IFT46: variants seen among roughly 807,000 people sequenced by gnomAD.
IFT46 encodes intraflagellar transport 46.
IFT46 carries 19 observed loss-of-function variants against 39.6 expected under a neutral mutation model. The observed-to-expected ratio is 0.48, with a 90% confidence interval of 0.33 to 0.70. The LOEUF is 0.70. IFT46 is among the 30% of genes least tolerant of loss of function. The probability of loss-of-function intolerance (pLI) is 0.01; values close to 1 mark genes in which losing one functional copy is unlikely to be tolerated. For synonymous variants in IFT46, 117 were observed against 134.8 expected (o/e 0.87, Z 0.91); for missense variants, 334 against 364.8 (o/e 0.92, Z 0.69).
chr11:118,547,020 TC>T (rs1951703415), intron 9 of IFT46: 1 of 152,246 alleles, frequency 6.6e-6, no homozygotes. Context: ...CACTGATATT[TC>T]TTCATATTAG....
upstream of IFT46, chr11:118,573,831 G>T: frequency 2.1e-6 from 1 of 476,498 alleles, no homozygotes. Context: ...TTTTTGTGTT[G>T]GACACAAAAT....
At chr11:118,573,847 G>T, upstream of IFT46, 1 of 510,828 alleles carries the variant, frequency 2.0e-6, no homozygotes, top group Non-Finnish European at 3.5e-6. Flanking sequence ...AAAATTTCCA[G>T]AAACTTGTAT....
At chr11:118,545,605 G>C (rs375796985) in intron 10 of IFT46, 111 bp from the exon 11 acceptor site, 2 of 1,105,894 alleles carry the variant, frequency 1.8e-6, no homozygotes, top group South Asian at 2.7e-5. Context: ...CTATGACTTT[G>C]GGGGTTAAAT....
At chr11:118,554,394 G>A in intron 7 of IFT46, 65 bp downstream of exon 7, 1 of 1,472,826 alleles carries the variant, frequency 6.8e-7, no homozygotes, top group Non-Finnish European at 9.1e-7. Context: ...CTGTATGAGT[G>A]CCAGCAAGGC....
upstream of IFT46, among the ~76,000 whole-genome samples, chr11:118,576,877 T>C (rs1938527825): frequency 1.3e-5 from 2 of 152,320 alleles, no homozygotes; most frequent in South Asian, 4.1e-4. Context: ...TTTCTTCATC[T>C]TGACGTACTG....
upstream of IFT46, among the ~76,000 whole-genome samples, chr11:118,576,426 TAAAAA>T (rs10671866): frequency 3.4e-3 from 366 of 108,770 alleles, 2 homozygotes; most frequent in Middle Eastern, 0.015. Flanking sequence ...CCAAAAATGT[TAAAAA>T]AAAAAAAAAA....
chr11:118,545,977 C>A, intron 9 of IFT46, 124 bp from the exon 10 acceptor site: 1 of 809,742 alleles, frequency 1.2e-6, no homozygotes. Context: ...AATGTGTTCC[C>A]CTAAAATTCA....
chr11:118,550,245 T>C (rs1951781109), intron 9 of IFT46, among the ~76,000 whole-genome samples: 1 of 152,184 alleles, frequency 6.6e-6, no homozygotes, highest in Admixed American at 6.5e-5. Context: ...CCTAAGCCAC[T>C]GCACCCGGCC....
upstream of IFT46, among the ~76,000 whole-genome samples, chr11:118,570,400 G>C (rs1555072175): frequency 6.6e-6 from 1 of 152,122 alleles, no homozygotes; most frequent in Non-Finnish European, 1.5e-5. Flanking sequence ...CCACTTACTA[G>C]TTGTGTGAGT....
At chr11:118,567,769 T>A (rs1438983395), upstream of IFT46, among the ~76,000 whole-genome samples, 1 of 152,230 alleles carries the variant, frequency 6.6e-6, no homozygotes, top group Non-Finnish European at 1.5e-5. Flanking sequence ...AGTGGATATG[T>A]AATGTGCAGT....
chr11:118,556,067 G>A (rs1937820591), intron 4 of IFT46, among the ~76,000 whole-genome samples: 1 of 152,140 alleles, frequency 6.6e-6, no homozygotes, highest in African/African-American at 2.4e-5. Context: ...CTGTTGACCA[G>A]GTTGGAGTGC....
upstream of IFT46, among the ~76,000 whole-genome samples, chr11:118,575,974 G>GTTTTTTT (rs150069695): frequency 7.0e-6 from 1 of 143,280 alleles, no homozygotes. Flanking sequence ...CACTGTAGTT[G>GTTTTTTT]TTTTTTTTTT....
chr11:118,573,882 T>C, upstream of IFT46: 1 of 484,160 alleles, frequency 2.1e-6, no homozygotes, highest in Non-Finnish European at 3.7e-6. Context: ...GGAGGTTCTG[T>C]ATTTGGTTAG....
chr11:118,552,525 G>A (rs1026318689), intron 7 of IFT46, among the ~76,000 whole-genome samples, 190 bp from the exon 8 acceptor site: 13 of 152,182 alleles, frequency 8.5e-5, no homozygotes, highest in Non-Finnish European at 1.6e-4. Flanking sequence ...CAGGCATGGC[G>A]GTCACACTTG....
intron 2 of IFT46, among the ~76,000 whole-genome samples, chr11:118,564,563 A>C (rs1378166803): frequency 6.6e-6 from 1 of 152,144 alleles, no homozygotes; most frequent in African/African-American, 2.4e-5. Context: ...TAAGAAAAAA[A>C]AGTTTGTTGA....
rs781821872 is a variant in IFT46 at position 118,559,818 on chromosome 11, G to A, written c.12C>T (p.Asn4=). The change falls in exon 3 of 12, where the codon AAC becomes AAT. Residue 4 remains asparagine (N), a synonymous_variant. Coordinates refer to ENST00000264021, the MANE Select transcript of IFT46 (RefSeq NM_001168618.2). MAD[N]SSDECEEENN... is the part of the protein sequence containing the mutation. ...TTTCCTCTTCACACTCATCACTGCT[G>A]TTATCAGCCATAGCCTTGTTAGGAA... 1.2e-6 allele frequency: 2 copies of A among 1,613,238 alleles called. No individual in the cohort carries two copies. The highest frequency in any genetic ancestry group is 1.3e-5 in the African/African-American group (1 of 74,898).
chr11:118,563,050 G>T (rs1938114129), intron 2 of IFT46, among the ~76,000 whole-genome samples: 1 of 150,976 alleles, frequency 6.6e-6, no homozygotes, highest in South Asian at 2.1e-4. Context: ...GGGTGACAGA[G>T]CGAAATTCAG....
At chr11:118,575,124 G>A (rs932092052), upstream of IFT46, among the ~76,000 whole-genome samples, 7 of 152,054 alleles carry the variant, frequency 4.6e-5, no homozygotes, top group South Asian at 2.1e-4. Context: ...GACTGCAGGC[G>A]CCTGCCACCA....
intron 3 of IFT46, 23 bp from the exon 4 acceptor site, chr11:118,557,068 T>G (rs1937865530): frequency 6.4e-7 from 1 of 1,556,664 alleles, no homozygotes; most frequent in Non-Finnish European, 8.7e-7. Context: ...AGGGCAGGCA[T>G]AGAAAGCTTC....
Sources: allele counts gnomAD v4.1 joint callset (sites outside exome capture counted in the v4.1 genomes callset), GRCh38; gene constraint gnomAD v4.1.1; transcripts MANE v1.5; gene names NCBI Gene and HGNC (gene_info 2026-07-23, HGNC 2026-07-21).